TRAP1: variants seen among roughly 807,000 people sequenced by gnomAD.
TRAP1 encodes heat shock protein 75 kDa, mitochondrial.
Under a neutral mutation model 89.1 loss-of-function variants are expected in TRAP1, and 102 were observed. That is an observed-to-expected ratio of 1.15 (90% confidence interval 0.98 to 1.35). TRAP1 has a LOEUF of 1.35. TRAP1 is among the 40% of genes most tolerant of loss of function. The pLI, the probability that TRAP1 is intolerant of heterozygous loss-of-function variation, is 0.00. For synonymous variants in TRAP1, 508 were observed against 388.0 expected, an observed-to-expected ratio of 1.31 and a Z score of -3.64; for missense variants, 1,256 against 945.3, an observed-to-expected ratio of 1.33 and a Z score of -4.31.
chr16:3,685,092 A>G (rs765967573), intron 4 of TRAP1, among the ~76,000 whole-genome samples: 1 of 152,174 alleles, frequency 6.6e-6, no homozygotes, highest in Non-Finnish European at 1.5e-5. Context: ...AATCATCTGC[A>G]AGGAACCTCT....
intron 1 of TRAP1, among the ~76,000 whole-genome samples, chr16:3,716,558 G>A (rs963220141): frequency 1.3e-5 from 2 of 152,254 alleles, no homozygotes; most frequent in Non-Finnish European, 2.9e-5. Context: ...AAAAGATGTG[G>A]AAAGAATGCT....
Position 3,706,630 on chromosome 16 carries a change from T to A in TRAP1, c.88+10791A>T, listed in dbSNP as rs551002751. On this transcript the variant is annotated intron_variant, in intron 1 of 17. Transcript: ENST00000246957. ...ATGTGCCACCACACCCAGCAATTTT[T>A]AAAAATTTTTTTTCGAGATGGAGTC... 4.6e-5 allele frequency among the ~76,000 whole-genome samples: 7 copies of A among 152,000 alleles called. No individual in the cohort carries two copies. In the East Asian group the frequency reaches 1.2e-3, roughly 25 times the overall value.
chr16:3,675,538 A>G, intron 7 of TRAP1, 141 bp from the exon 8 acceptor site: 1 of 734,576 alleles, frequency 1.4e-6, no homozygotes, highest in Non-Finnish European at 2.3e-6. Context: ...GAAACAGGGC[A>G]CAGTGGGGAC....
At chr16:3,667,589 C>T (rs1426989118) in intron 11 of TRAP1, among the ~76,000 whole-genome samples, 1 of 151,040 alleles carries the variant, frequency 6.6e-6, no homozygotes, top group South Asian at 2.1e-4. Flanking sequence ...CTCGCCACTG[C>T]ACTCCAGCCT....
chr16:3,677,676 G>C lies in TRAP1; in HGVS notation c.544-18C>G. 6.2e-7 allele frequency: 1 copy of C among 1,609,848 alleles called. No individual in the cohort carries two copies. On this transcript the variant is annotated intron_variant, in intron 5 of 17. Transcript: ENST00000246957. ...AGGAAGGCCTGTGGGGCAGAGGCCAGTTAGTGAGGCAGCCTCCCCTCCAGA... is the reference window on the plus strand; with the variant it reads ...AGGAAGGCCTGTGGGGCAGAGGCCACTTAGTGAGGCAGCCTCCCCTCCAGA...
chr16:3,663,486 G>T lies in TRAP1; in HGVS notation c.1646C>A (p.Ser549Tyr), dbSNP rs752085806. Residue 549 changes from serine (S) to tyrosine (Y), a missense_variant, in exon 14 of 18, where the codon TCT becomes TAT. By Grantham distance (144) the Ser-to-Tyr change is moderately radical (BLOSUM62 -2). Transcript: ENST00000246957. ...ATCCACGACTATGTCCGTCTCCACAGAGATCAGCTTCTTCTTGTCAAACTC... is the reference window on the plus strand; with the variant it reads ...ATCCACGACTATGTCCGTCTCCACATAGATCAGCTTCTTCTTGTCAAACTC... ...LREFDKKKLI[S>Y]VETDIVVDHY... 1 of 1,614,202 alleles carries T rather than the reference G, an allele frequency of 6.2e-7. No individual in the cohort carries two copies. The highest frequency in any genetic ancestry group is 8.5e-7 in the Non-Finnish European group (1 of 1,180,028).
Position 3,661,981 on chromosome 16 carries a change from C to G in TRAP1, c.1940+6G>C. 1 of 1,597,364 alleles carries G rather than the reference C, an allele frequency of 6.3e-7. No individual in the cohort carries two copies. The highest frequency in any genetic ancestry group is 1.1e-5 in the South Asian group (1 of 89,988). On this transcript the variant is annotated splice_donor_region_variant and intron_variant, in intron 16 of 17. Transcript: ENST00000246957. ...CAGGCTGGAAGAGCCAGGAGCGTGG[C>G]CTCACCTGGGGTTGATCTCCAGCGT...
At chr16:3,685,856 T>G in intron 4 of TRAP1, 140 bp downstream of exon 4, 7 of 1,155,836 alleles carry the variant, frequency 6.1e-6, no homozygotes, top group Non-Finnish European at 7.3e-6. Flanking sequence ...AGTGCTACTG[T>G]AACACTAAAT....
At chr16:3,676,507 A>G (rs1177155831) in intron 6 of TRAP1, 2 of 175,604 alleles carry the variant, frequency 1.1e-5, no homozygotes, top group Non-Finnish European at 2.4e-5. Context: ...GGGCAAAAAC[A>G]AAGGCCAGGG....
At chr16:3,709,742 C>G (rs2051502321) in intron 1 of TRAP1, among the ~76,000 whole-genome samples, 1 of 152,116 alleles carries the variant, frequency 6.6e-6, no homozygotes, top group Admixed American at 6.6e-5. Flanking sequence ...CCTCCACCTC[C>G]CAGATTCAAG....
intron 1 of TRAP1, among the ~76,000 whole-genome samples, chr16:3,716,066 T>A (rs771755411): frequency 1.3e-5 from 2 of 152,168 alleles, no homozygotes; most frequent in Non-Finnish European, 2.9e-5. Flanking sequence ...TTTCACCATG[T>A]TGGCCAGGCT....
At chr16:3,659,774 TA>T (rs1292196158) in intron 16 of TRAP1, 46 of 149,034 alleles carry the variant, frequency 3.1e-4, no homozygotes, top group Non-Finnish European at 5.9e-4. Context: ...GATAGATAGA[TA>T]GATAGACTCT....
Position 3,661,677 on chromosome 16 carries a change from A to G in TRAP1, c.1940+310T>C, listed in dbSNP as rs950331280. 45 of 322,130 alleles carry G rather than the reference A, an allele frequency of 1.4e-4. 1 individual carries two copies. The highest frequency in any genetic ancestry group is 9.5e-4 in the African/African-American group (45 of 47,124). The allele number at this position is 322,130 out of a possible 1,614,324, so 20.0% of individuals were successfully genotyped here. The stretch of plus-strand genomic sequence containing the variant: ...TCAGCAAACACCAAGATCCACGTAC[A>G]AAGCTCAAAACAGGCAAAACTGAGC... On this transcript the variant is annotated intron_variant, in intron 16 of 17. Coordinates refer to ENST00000246957, the MANE Select transcript of TRAP1 (RefSeq NM_016292.3).
rs781397176 is a variant in TRAP1, at chr16:3,664,467, G to A, written c.1384-8C>T. On this transcript the variant is annotated splice_polypyrimidine_tract_variant and splice_region_variant and intron_variant, in intron 12 of 17. Coordinates refer to ENST00000246957, the MANE Select transcript of TRAP1 (RefSeq NM_016292.3). ...CAGCTTTGCTATGTCCTCCTAGAAG[G>A]GACGGGGCAGGTCACCACTTATTCC... 2.5e-6 allele frequency: 4 copies of A among 1,604,682 alleles called. No homozygotes were observed. The highest frequency in any genetic ancestry group is 1.3e-5 in the African/African-American group (1 of 74,702).
Position 3,662,118 on chromosome 16 carries a change from C to T in TRAP1, c.1809G>A (p.Leu603=), listed in dbSNP as rs1366335059. 3 of 1,612,438 alleles carry T rather than the reference C, an allele frequency of 1.9e-6. No homozygotes were observed. Among genetic ancestry groups the T allele is most frequent in the Non-Finnish European group, 2.5e-6 (3 of 1,179,474 alleles). ...CGGTGACCATGGCAGGGTGGGTGTC[C>T]AGTCGGAGGGTCACCTGTGAGCAAA... ...RVTNVKVTLR[L]DTHPAMVTVL... The change falls in exon 16 of 18, where the codon CTG becomes CTA. Residue 603 remains leucine, a synonymous_variant. Coordinates refer to ENST00000246957, the MANE Select transcript of TRAP1 (RefSeq NM_016292.3).
chr16:3,663,275 G>A, intron 14 of TRAP1, 149 bp downstream of exon 14: 1 of 1,036,344 alleles, frequency 9.6e-7, no homozygotes, highest in Non-Finnish European at 1.4e-6. Flanking sequence ...CCTTCCTCCA[G>A]TCACCAGGGT....
intron 16 of TRAP1, chr16:3,659,751 A>AGATAGATAGATAG (rs1310890175): frequency 1.9e-5 from 1 of 52,776 alleles, no homozygotes; most frequent in East Asian, 5.8e-4. Flanking sequence ...TTTTTTTTTT[A>AGATAGATAGATAG]GATAGATAGA....
At chr16:3,658,678 C>G in intron 17 of TRAP1, 115 bp downstream of exon 17, 1 of 1,045,012 alleles carries the variant, frequency 9.6e-7, no homozygotes, top group Non-Finnish European at 1.4e-6. Flanking sequence ...TCTCAAAAAA[C>G]AAACAAACAA....
chr16:3,675,653 G>A (rs2050980744), intron 7 of TRAP1, among the ~76,000 whole-genome samples: 1 of 152,220 alleles, frequency 6.6e-6, no homozygotes. Context: ...GCTTGTGGCT[G>A]GAACATGGCT....
Sources: gnomAD v4.1 joint callset for allele counts (sites outside exome capture counted in the v4.1 genomes callset) on GRCh38, gnomAD v4.1.1 for gene constraint, MANE v1.5 for transcripts, NCBI Gene and HGNC (gene_info 2026-07-23, HGNC 2026-07-21) for gene names.